PPARGC1A: variants seen among roughly 807,000 people sequenced by gnomAD.
PPARGC1A encodes peroxisome proliferator-activated receptor gamma coactivator 1-alpha.
In PPARGC1A, 25 loss-of-function variants were observed where a neutral mutation model predicts 88.7. The observed-to-expected ratio is 0.28, with a 90% CI of 0.21 to 0.39. The LOEUF (loss-of-function observed/expected upper bound fraction) is 0.39. PPARGC1A is among the 10% of genes least tolerant of loss of function. The pLI, the probability that PPARGC1A is intolerant of heterozygous loss-of-function variation, is 1.00. For missense variants in PPARGC1A, 880 were observed against 968.7 expected (o/e 0.91, Z 1.22); for synonymous variants, 363 against 355.6 (o/e 1.02, Z -0.24).
chr4:24,387,258 C>G, the PPARGC1A span, among the ~76,000 whole-genome samples: 1 of 152,124 alleles, frequency 6.6e-6, no homozygotes, highest in Non-Finnish European at 1.5e-5. Context: ...GGATTAAAGA[C>G]TTAAATGTAA....
the PPARGC1A span, among the ~76,000 whole-genome samples, chr4:24,132,522 G>T: frequency 1.5e-4 from 23 of 152,156 alleles, no homozygotes; most frequent in African/African-American, 5.6e-4. Context: ...GTCAGCGATT[G>T]TACCTCAATG....
the PPARGC1A span, among the ~76,000 whole-genome samples, chr4:24,002,522 C>T: frequency 2.6e-5 from 4 of 151,764 alleles, no homozygotes; most frequent in East Asian, 3.9e-4. Flanking sequence ...TTGAAACAGC[C>T]GCAAAGGTTT....
chr4:24,390,608 G>T, the PPARGC1A span, among the ~76,000 whole-genome samples: 1 of 151,714 alleles, frequency 6.6e-6, no homozygotes, highest in African/African-American at 2.4e-5. Flanking sequence ...TATTTTTTAC[G>T]TCATCATAAA....
At chr4:23,878,311 G>A (rs1256891552) in intron 2 of PPARGC1A, among the ~76,000 whole-genome samples, 3 of 148,302 alleles carry the variant, frequency 2.0e-5, no homozygotes, top group African/African-American at 7.5e-5. Context: ...TTCTCACTTT[G>A]CAAACTGCAA....
chr4:23,819,097 T>C (rs1315639807), intron 7 of PPARGC1A, among the ~76,000 whole-genome samples: 1 of 151,732 alleles, frequency 6.6e-6, no homozygotes, highest in African/African-American at 2.4e-5. Flanking sequence ...GAATTTGGAG[T>C]GGGTGTCAAG....
chr4:24,397,329 C>A, the PPARGC1A span, among the ~76,000 whole-genome samples: 1 of 152,178 alleles, frequency 6.6e-6, no homozygotes, highest in African/African-American at 2.4e-5. Flanking sequence ...TATGCTTGCA[C>A]TGAGATGCAA....
chr4:24,337,206 A>T, the PPARGC1A span, among the ~76,000 whole-genome samples: 1 of 152,222 alleles, frequency 6.6e-6, no homozygotes, highest in South Asian at 2.1e-4. Context: ...TTGGGAGCCC[A>T]TCTTTCCTCT....
the PPARGC1A span, among the ~76,000 whole-genome samples, chr4:24,462,567 C>A: frequency 6.6e-6 from 1 of 152,008 alleles, no homozygotes; most frequent in Admixed American, 6.6e-5. Context: ...GTTACTTCAT[C>A]TCTCTGGGCC....
At chr4:23,910,911 C>A in the PPARGC1A span, among the ~76,000 whole-genome samples, 433 of 152,190 alleles carry the variant, frequency 2.8e-3, 1 homozygote, top group African/African-American at 0.01. Context: ...TGAACCTGGG[C>A]AGCCTGGTTC....
the PPARGC1A span, among the ~76,000 whole-genome samples, chr4:24,402,006 T>TA: frequency 1.3e-5 from 2 of 152,296 alleles, no homozygotes; most frequent in Middle Eastern, 3.4e-3. Context: ...GAAATGGAAA[T>TA]ACAGCACCCA....
the PPARGC1A span, among the ~76,000 whole-genome samples, chr4:24,211,421 C>A: frequency 6.6e-6 from 1 of 152,200 alleles, no homozygotes; most frequent in African/African-American, 2.4e-5. Flanking sequence ...AATGAAGGAG[C>A]TGCCAGGATA....
At chr4:24,002,497 C>T in the PPARGC1A span, among the ~76,000 whole-genome samples, 3 of 152,190 alleles carry the variant, frequency 2.0e-5, no homozygotes, top group East Asian at 5.8e-4. Flanking sequence ...TTACTAATCT[C>T]CTTGCAATGT....
the PPARGC1A span, among the ~76,000 whole-genome samples, chr4:24,222,283 A>C: frequency 6.6e-6 from 1 of 152,222 alleles, no homozygotes; most frequent in African/African-American, 2.4e-5. Context: ...CGCTTGTGAG[A>C]GACAGTACCT....
the PPARGC1A span, among the ~76,000 whole-genome samples, chr4:24,057,930 G>A: frequency 2.6e-5 from 4 of 152,154 alleles, no homozygotes; most frequent in Non-Finnish European, 2.9e-5. Flanking sequence ...AAGGCAGGGG[G>A]AACGCATGTA....
the PPARGC1A span, among the ~76,000 whole-genome samples, chr4:24,108,527 C>T: frequency 1.3e-5 from 2 of 152,018 alleles, no homozygotes; most frequent in Admixed American, 1.3e-4. Context: ...TCTCTTGAGC[C>T]TATTATATAT....
chr4:23,824,424 C>G, intron 6 of PPARGC1A, 39 bp downstream of exon 6: 1 of 1,605,392 alleles, frequency 6.2e-7, no homozygotes, highest in Admixed American at 1.7e-5. Context: ...TTAGAACCCC[C>G]TTCCCTTTCA....
At chr4:23,892,774 C>T (rs1012418216), upstream of PPARGC1A, among the ~76,000 whole-genome samples, 1 of 152,106 alleles carries the variant, frequency 6.6e-6, no homozygotes, top group Non-Finnish European at 1.5e-5. Flanking sequence ...ACTGTGTGCA[C>T]AGCCATGTAT....
the PPARGC1A span, among the ~76,000 whole-genome samples, chr4:24,301,320 T>A: frequency 6.6e-6 from 1 of 152,168 alleles, no homozygotes; most frequent in Non-Finnish European, 1.5e-5. Context: ...TTCATGTTGA[T>A]GAGAATTGAA....
the PPARGC1A span, among the ~76,000 whole-genome samples, chr4:24,150,986 C>T: frequency 4.6e-5 from 7 of 152,168 alleles, no homozygotes; most frequent in Admixed American, 3.3e-4. Flanking sequence ...CAGTTTCCCA[C>T]GTGTGATTCC....
Sources: allele counts gnomAD v4.1 joint callset (sites outside exome capture counted in the v4.1 genomes callset), GRCh38; gene constraint gnomAD v4.1.1; transcripts MANE v1.5; gene names NCBI Gene and HGNC (gene_info 2026-07-23, HGNC 2026-07-21).